The following EXOC2 variants were observed in gnomAD, a reference collection of about 807,000 sequenced individuals.
EXOC2 encodes SEC5-like 1.
In EXOC2, 70 loss-of-function variants were observed where a neutral mutation model predicts 131.8. That is an observed-to-expected ratio of 0.53 (90% CI 0.44 to 0.65). EXOC2 has a LOEUF of 0.65. Among genes scored for constraint, EXOC2 ranks in the 30% least tolerant of loss-of-function variants. EXOC2 has a pLI of 0.00. For missense variants in EXOC2, 923 were observed against 1,108.6 expected (o/e 0.83, Z 2.38); for synonymous variants, 411 against 398.4 (o/e 1.03, Z -0.38).
At chr6:656,571 G>A (rs769156118) in intron 1 of EXOC2, 8 of 1,591,938 alleles carry the variant, frequency 5.0e-6, no homozygotes, top group Non-Finnish European at 6.8e-6. Context: ...CACGCTGCGA[G>A]CGCGGCCCAG....
In EXOC2 at chr6:499,666, A is replaced by G; in HGVS notation, c.2415T>C (p.Asn805=). 1.2e-6 allele frequency: 2 copies of G among 1,613,920 alleles called. No individual in the cohort carries two copies. Among genetic ancestry groups the G allele is most frequent in the Non-Finnish European group, 1.7e-6 (2 of 1,179,862 alleles). Residue 805 remains asparagine (N), a synonymous_variant, in exon 24 of 28, where the codon AAT becomes AAC. Transcript: ENST00000230449. ...VRNYLKEALV[N]IIAVHAEVFT... Reference sequence around the variant, plus strand: ...TTACCTCTGCATGCACGGCAATTATATTCACCAGTGCTTCTTTTAAATAGT... The same window carrying G: ...TTACCTCTGCATGCACGGCAATTATGTTCACCAGTGCTTCTTTTAAATAGT...
chr6:512,478 T>C (rs1764907740), intron 23 of EXOC2, among the ~76,000 whole-genome samples: 4 of 152,236 alleles, frequency 2.6e-5, no homozygotes, highest in Admixed American at 2.6e-4. Flanking sequence ...ATACAGAATA[T>C]AGTATATACG....
At position 619,531 on chromosome 6, in the gene EXOC2, C is replaced by A. The variant is rs192548095; in HGVS notation, c.435G>T (p.Ser145=). 1 of 1,612,786 alleles carries A rather than the reference C, an allele frequency of 6.2e-7. No individual in the cohort carries two copies. The highest frequency in any genetic ancestry group is 2.2e-5 in the East Asian group (1 of 44,850). ...LGIEIEKSKF[S]QKDLEMLFHG... is the part of the protein sequence containing the mutation. ...GGAATAGCATTTCTAAGTCCTTCTGCGAAAATTTACTTCTGAGGGGAAAAA... is the reference window on the plus strand; with the variant it reads ...GGAATAGCATTTCTAAGTCCTTCTGAGAAAATTTACTTCTGAGGGGAAAAA... The change falls in exon 5 of 28, where the codon TCG becomes TCT. Residue 145 remains serine (S), a synonymous_variant. Coordinates refer to ENST00000230449, the MANE Select transcript of EXOC2 (RefSeq NM_018303.6).
At chr6:656,172 G>T in intron 1 of EXOC2, 5 of 1,614,136 alleles carry the variant, frequency 3.1e-6, no homozygotes, top group Non-Finnish European at 4.2e-6. Context: ...CTGAAGAAGA[G>T]TATTGTCCCA....
intron 22 of EXOC2, among the ~76,000 whole-genome samples, chr6:544,165 C>G (rs1280140508): frequency 6.6e-6 from 1 of 152,254 alleles, no homozygotes; most frequent in Non-Finnish European, 1.5e-5. Context: ...ATTTCCTGCA[C>G]TTCCCAGCTT....
chr6:536,723 A>T (rs1370408540), intron 22 of EXOC2, among the ~76,000 whole-genome samples: 1 of 152,224 alleles, frequency 6.6e-6, no homozygotes, highest in Non-Finnish European at 1.5e-5. Context: ...AAAAGTTAAC[A>T]TTACAAAACT....
chr6:488,886 G>A, intron 27 of EXOC2, 93 bp downstream of exon 27: 1 of 1,327,300 alleles, frequency 7.5e-7, no homozygotes, highest in Non-Finnish European at 1.1e-6. Flanking sequence ...GCTCTTCCTA[G>A]AATCCAAATC....
chr6:541,442 A>G (rs1219083052), intron 22 of EXOC2, among the ~76,000 whole-genome samples: 1 of 152,230 alleles, frequency 6.6e-6, no homozygotes, highest in Admixed American at 6.5e-5. Context: ...AGAGAAAGCA[A>G]GGATATAACG....
chr6:623,597 G>A (rs1308398992), intron 4 of EXOC2, among the ~76,000 whole-genome samples: 2 of 152,152 alleles, frequency 1.3e-5, no homozygotes, highest in Non-Finnish European at 2.9e-5. Flanking sequence ...CACAGAGCCT[G>A]TTTCTAGTGG....
chr6:548,548 T>C (rs1405861601), intron 22 of EXOC2, among the ~76,000 whole-genome samples: 1 of 152,206 alleles, frequency 6.6e-6, no homozygotes, highest in Non-Finnish European at 1.5e-5. Flanking sequence ...GAAAACTCAC[T>C]CCATTAATTT....
At chr6:614,813 C>T (rs898703453) in intron 6 of EXOC2, among the ~76,000 whole-genome samples, 7 of 151,962 alleles carry the variant, frequency 4.6e-5, no homozygotes, top group Non-Finnish European at 7.4e-5. Flanking sequence ...CACATCCGTC[C>T]GTCCTTTTTA....
chr6:512,766 T>C (rs1764925647), intron 23 of EXOC2, among the ~76,000 whole-genome samples: 4 of 152,252 alleles, frequency 2.6e-5, no homozygotes. Flanking sequence ...CTAGTTCCCT[T>C]ATTTGAGCAA....
chr6:540,622 C>T (rs1766757328), intron 22 of EXOC2, among the ~76,000 whole-genome samples: 1 of 151,338 alleles, frequency 6.6e-6, no homozygotes, highest in South Asian at 2.1e-4. Flanking sequence ...TCAGTACAGA[C>T]AATTAAAGAT....
chr6:486,522 T>A lies in EXOC2; in HGVS notation c.*149A>T. On this transcript the variant is annotated 3_prime_UTR_variant, in exon 28 of 28. Transcript: ENST00000230449. The stretch of plus-strand genomic sequence containing the variant: ...TCAAATGAGGTCATTTTGGTTGAAA[T>A]GTATACCAACAATTTTCGAAGTCAG... The A allele has an allele frequency of 1.5e-6, 1 of 648,938 alleles. No homozygotes were observed. The highest frequency in any genetic ancestry group is 2.7e-6 in the Non-Finnish European group (1 of 374,530). 40.2% of individuals were successfully genotyped at this position (648,938 alleles called of 1,614,324 possible).
At chr6:503,165 C>CTTTTTT (rs34676213) in intron 23 of EXOC2, among the ~76,000 whole-genome samples, 1 of 147,010 alleles carries the variant, frequency 6.8e-6, no homozygotes. Flanking sequence ...GGAGCAAGTA[C>CTTTTTT]TTTTTTTTTT....
At chr6:533,762 C>G (rs909151508) in intron 22 of EXOC2, among the ~76,000 whole-genome samples, 1 of 152,076 alleles carries the variant, frequency 6.6e-6, no homozygotes, top group Non-Finnish European at 1.5e-5. Flanking sequence ...TGTGGAGAGT[C>G]TGTGGGCCCA....
chr6:599,377 T>C, intron 7 of EXOC2, 152 bp from the exon 8 acceptor site: 1 of 726,572 alleles, frequency 1.4e-6, no homozygotes, highest in Middle Eastern at 4.2e-4. Context: ...TTTTATGGTT[T>C]GCTAAAATAA....
intron 23 of EXOC2, among the ~76,000 whole-genome samples, chr6:515,130 CA>C (rs1351510820): frequency 2.6e-5 from 4 of 152,176 alleles, no homozygotes; most frequent in Admixed American, 2.6e-4. Context: ...TATGGTATAA[CA>C]GCAGGAATAC....
intron 12 of EXOC2, among the ~76,000 whole-genome samples, chr6:573,614 T>A (rs1398267309): frequency 1.3e-5 from 2 of 151,998 alleles, no homozygotes; most frequent in East Asian, 1.9e-4. Flanking sequence ...AAGGATTTGC[T>A]GTTGTTAGTC....
Sources: gnomAD v4.1 joint callset for allele counts (sites outside exome capture counted in the v4.1 genomes callset) on GRCh38, gnomAD v4.1.1 for gene constraint, MANE v1.5 for transcripts, NCBI Gene and HGNC (gene_info 2026-07-23, HGNC 2026-07-21) for gene names.